The following MINDY2 variants were observed in gnomAD, a reference collection of about 807,000 sequenced individuals.
MINDY2 encodes the protein ubiquitin carboxyl-terminal hydrolase MINDY-2.
A neutral mutation model predicts 68.2 loss-of-function variants in MINDY2; 52 were observed. The observed-to-expected ratio is 0.76, with a 90% CI of 0.61 to 0.96. MINDY2 has a LOEUF of 0.96. MINDY2 is among the 40% of genes least tolerant of loss of function. The pLI, the probability that MINDY2 is intolerant of heterozygous loss-of-function variation, is 0.00. For synonymous variants in MINDY2, 372 were observed against 303.0 expected, an observed-to-expected ratio of 1.23 and a Z score of -2.36; for missense variants, 881 against 773.4, an observed-to-expected ratio of 1.14 and a Z score of -1.65.
At chr15:58,805,772 TTTTTTA>T (rs1461047214) in intron 3 of MINDY2, among the ~76,000 whole-genome samples, 1 of 84,782 alleles carries the variant, frequency 1.2e-5, no homozygotes, top group Non-Finnish European at 2.3e-5. Flanking sequence ...TCAGTTGTTG[TTTTTTA>T]TTAAGACAGA....
chr15:58,827,699 G>A (rs371496214), intron 5 of MINDY2, among the ~76,000 whole-genome samples: 3 of 151,966 alleles, frequency 2.0e-5, no homozygotes, highest in Non-Finnish European at 2.9e-5. Context: ...TGATTCTCCC[G>A]CCTCGTCCTC....
intron 2 of MINDY2, among the ~76,000 whole-genome samples, chr15:58,791,073 G>C (rs1321931805): frequency 6.7e-6 from 1 of 150,158 alleles, no homozygotes; most frequent in Non-Finnish European, 1.5e-5. Context: ...CCAACTACTC[G>C]GGAGGCTGAG....
chr15:58,829,280 C>T (rs1455772830), intron 5 of MINDY2, among the ~76,000 whole-genome samples: 22 of 152,076 alleles, frequency 1.4e-4, no homozygotes, highest in Non-Finnish European at 1.5e-5. Flanking sequence ...ATTGTTTTTT[C>T]TAGTTCTTAA....
intron 6 of MINDY2, among the ~76,000 whole-genome samples, chr15:58,844,944 TGAAA>T (rs147027239): frequency 0.081 from 8,148 of 100,778 alleles, 257 homozygotes; most frequent in East Asian, 0.16. Context: ...AAAAAAAAAA[TGAAA>T]GGACAACCCA....
intron 4 of MINDY2, among the ~76,000 whole-genome samples, chr15:58,812,410 C>T (rs1300385112): frequency 6.7e-6 from 1 of 149,598 alleles, no homozygotes; most frequent in Non-Finnish European, 1.5e-5. Flanking sequence ...GCATTCTAGC[C>T]TGGCCAACAG....
rs2032833642 is a variant in MINDY2, at chr15:58,851,913, A to T, written c.1685A>T (p.Gln562Leu). The change falls in exon 8 of 9, where the codon CAG becomes CTG. Residue 562 changes from glutamine (Q) to leucine (L), a missense_variant. Physicochemically the swap from Gln to Leu is moderately radical, Grantham distance 113. Transcript: ENST00000559228. Reference sequence around the variant, plus strand: ...GACAGACGGGCTTCTCAATACTATCAGGAACAGGAACAAGCAGCAGCTGCT... The same window carrying T: ...GACAGACGGGCTTCTCAATACTATCTGGAACAGGAACAAGCAGCAGCTGCT... ...EEDRRASQYY[Q>L]EQEQAAAAAA... 2 of 1,604,152 alleles carry T rather than the reference A, an allele frequency of 1.2e-6. No homozygotes were observed. The highest frequency in any genetic ancestry group is 2.7e-5 in the African/African-American group (2 of 73,962).
At chr15:58,830,848 A>G (rs1248890709) in intron 5 of MINDY2, among the ~76,000 whole-genome samples, 2 of 151,492 alleles carry the variant, frequency 1.3e-5, no homozygotes, top group Non-Finnish European at 1.5e-5. Context: ...TCAGCTGGGA[A>G]TGTGCACATT....
intron 6 of MINDY2, among the ~76,000 whole-genome samples, chr15:58,838,416 A>G (rs2032108673): frequency 6.6e-6 from 1 of 151,970 alleles, no homozygotes; most frequent in Non-Finnish European, 1.5e-5. Flanking sequence ...CAAAAAAGAT[A>G]TACTTTCAGC....
chr15:58,785,106 G>A (rs1278715565), intron 1 of MINDY2, among the ~76,000 whole-genome samples: 1 of 133,144 alleles, frequency 7.5e-6, no homozygotes, highest in Non-Finnish European at 1.5e-5. Flanking sequence ...CTTGGCACTT[G>A]CTTTTGAAGT....
intron 3 of MINDY2, among the ~76,000 whole-genome samples, chr15:58,803,661 C>A (rs906055578): frequency 6.6e-6 from 1 of 151,638 alleles, no homozygotes; most frequent in African/African-American, 2.4e-5. Flanking sequence ...ACTAAAAATA[C>A]AAAAATTGGC....
chr15:58,854,878 A>G lies in MINDY2; in HGVS notation c.*268A>G. The stretch of plus-strand genomic sequence containing the variant: ...ACTGCACTTGTAGCCAGATTAGCAA[A>G]TCACAGCAAATTTTGTGTCATAGTG... On this transcript the variant is annotated 3_prime_UTR_variant, in exon 9 of 9. Transcript: ENST00000559228. The G allele has an allele frequency of 4.2e-6, 1 of 239,510 alleles. No individual in the cohort carries two copies. The highest frequency in any genetic ancestry group is 8.2e-6 in the Non-Finnish European group (1 of 121,342). The allele number at this position is 239,510 out of a possible 1,614,324, so 14.8% of individuals were successfully genotyped here.
In MINDY2 at chr15:58,788,772, G is replaced by A. The variant is rs1427566063; in HGVS notation, c.898+809G>A. On this transcript the variant is annotated intron_variant, in intron 2 of 8. Coordinates refer to ENST00000559228, the MANE Select transcript of MINDY2 (RefSeq NM_001040450.3). ...CGCCTGTAATCCCAGCACTTTGGGA[G>A]GTCAAGGCAGGCAGATCACTTGAGG... 2.6e-5 allele frequency among the ~76,000 whole-genome samples: 4 copies of A among 152,192 alleles called. No individual in the cohort carries two copies. The East Asian group carries it at 7.7e-4, about 29-fold the overall frequency.
At chr15:58,794,358 G>GGTGTGT (rs3985718) in intron 2 of MINDY2, among the ~76,000 whole-genome samples, 5,684 of 139,100 alleles carry the variant, frequency 0.041, 122 homozygotes, top group African/African-American at 0.071. Context: ...TTTTTTTTGG[G>GGTGTGT]GTGTGTGTGT....
At chr15:58,831,074 C>G (rs2031704127) in intron 5 of MINDY2, among the ~76,000 whole-genome samples, 1 of 127,318 alleles carries the variant, frequency 7.9e-6, no homozygotes, top group African/African-American at 3.3e-5. Flanking sequence ...TTAAATTATA[C>G]CCCGGATCAC....
intron 1 of MINDY2, among the ~76,000 whole-genome samples, chr15:58,780,503 TTTGA>T (rs1901063848): frequency 6.6e-6 from 1 of 152,108 alleles, no homozygotes; most frequent in African/African-American, 2.4e-5. Flanking sequence ...ACTCAGGATG[TTTGA>T]TTGGGAAGAT....
At chr15:58,814,794 C>CT (rs34747262) in intron 4 of MINDY2, among the ~76,000 whole-genome samples, 31,108 of 129,842 alleles carry the variant, frequency 0.24, 4,227 homozygotes, top group East Asian at 0.6. Flanking sequence ...TTAATTTTAA[C>CT]TTTTTTTTTT....
intron 2 of MINDY2, among the ~76,000 whole-genome samples, chr15:58,798,745 C>T: frequency 6.6e-6 from 1 of 152,180 alleles, no homozygotes. Flanking sequence ...CGTCAGCCAC[C>T]ACGCCCAGCA....
chr15:58,815,311 A>G (rs1245434341), intron 4 of MINDY2: 1 of 152,142 alleles, frequency 6.6e-6, no homozygotes, highest in Non-Finnish European at 1.5e-5. Context: ...TAATTAAAAT[A>G]AGATTTAAAA....
chr15:58,787,871 A>T, intron 1 of MINDY2, 35 bp from the exon 2 acceptor site: 1 of 1,478,598 alleles, frequency 6.8e-7, no homozygotes. Flanking sequence ...CACCTAAAAC[A>T]TTTAATTTTA....
Sources: allele counts gnomAD v4.1 joint callset (sites outside exome capture counted in the v4.1 genomes callset), GRCh38; gene constraint gnomAD v4.1.1; transcripts MANE v1.5; gene names NCBI Gene and HGNC (gene_info 2026-07-23, HGNC 2026-07-21).